ZPBP: variants seen among roughly 807,000 people sequenced by gnomAD.
The protein encoded by ZPBP is zona pellucida binding protein, also known as zona pellucida-binding protein 1.
ZPBP carries 26 observed loss-of-function variants against 44.8 expected under a neutral mutation model. That is an observed-to-expected ratio of 0.58 (90% CI 0.43 to 0.81). The LOEUF (loss-of-function observed/expected upper bound fraction) is 0.81, where lower values mean the gene tolerates loss of function less well. ZPBP is among the 30% of genes least tolerant of loss of function. ZPBP has a pLI of 0.00. For missense variants in ZPBP, 409 were observed against 434.0 expected (o/e 0.94, Z 0.51); for synonymous variants, 174 against 153.2 (o/e 1.14, Z -1.00).
intron 7 of ZPBP, among the ~76,000 whole-genome samples, chr7:49,945,885 CTGGTTGTTTTG>C (rs1446664118): frequency 6.6e-6 from 1 of 151,860 alleles, no homozygotes; most frequent in African/African-American, 2.4e-5. Context: ...CACTTGTTTT[CTGGTTGTTTTG>C]TGGTCTTTTC....
At chr7:49,981,310 T>TAC (rs1796870668) in intron 7 of ZPBP, among the ~76,000 whole-genome samples, 1 of 58,132 alleles carries the variant, frequency 1.7e-5, no homozygotes, top group African/African-American at 5.2e-5. Flanking sequence ...TATATAATTA[T>TAC]ATATTATATA....
chr7:49,979,974 T>G (rs1450630228), intron 7 of ZPBP, among the ~76,000 whole-genome samples: 3 of 106,802 alleles, frequency 2.8e-5, no homozygotes, highest in South Asian at 5.1e-4. Context: ...TATTATATAT[T>G]ATATATTAAT....
At chr7:50,001,847 C>T (rs1320910310) in intron 6 of ZPBP, among the ~76,000 whole-genome samples, 6 of 152,128 alleles carry the variant, frequency 3.9e-5, no homozygotes, top group Non-Finnish European at 7.3e-5. Context: ...GAAGAGAGAG[C>T]TGCATAGAGT....
At chr7:49,936,142 A>G (rs1175369112), downstream of ZPBP, 1 of 152,156 alleles carries the variant, frequency 6.6e-6, no homozygotes, top group Admixed American at 6.6e-5. Context: ...TAAGTCTTTT[A>G]CTCTTTACAA....
chr7:49,978,343 T>C (rs1032273010), intron 7 of ZPBP, among the ~76,000 whole-genome samples: 1 of 151,876 alleles, frequency 6.6e-6, no homozygotes, highest in Non-Finnish European at 1.5e-5. Context: ...ATGTTGTACA[T>C]TATAAGGAAT....
At chr7:50,003,805 G>A (rs1199052173) in intron 6 of ZPBP, among the ~76,000 whole-genome samples, 1 of 151,764 alleles carries the variant, frequency 6.6e-6, no homozygotes, top group East Asian at 1.9e-4. Flanking sequence ...TGTTTACAAA[G>A]TATATAAAGA....
chr7:49,913,111 C>A (rs947460357), intron 1 of ZPBP: 1 of 152,178 alleles, frequency 6.6e-6, no homozygotes, highest in African/African-American at 2.4e-5. Context: ...ACTCAGCTGT[C>A]AGTTCAGTGG....
intron 2 of ZPBP, among the ~76,000 whole-genome samples, chr7:50,088,736 TA>T (rs1015387647): frequency 6.6e-6 from 1 of 151,870 alleles, no homozygotes; most frequent in Non-Finnish European, 1.5e-5. Context: ...AGGATAGCTA[TA>T]AAAAAAGAAG....
chr7:50,086,246 T>A (rs967475743), intron 2 of ZPBP, among the ~76,000 whole-genome samples: 4 of 152,084 alleles, frequency 2.6e-5, no homozygotes, highest in Non-Finnish European at 5.9e-5. Flanking sequence ...AAGAATCTTA[T>A]TTCCAGTGTT....
In ZPBP at chr7:49,986,828, C is replaced by T. The variant is rs186513091; in HGVS notation, c.784-3309G>A. ...ATCTGGAGTGGTTCACATGTCTTTA[C>T]GGTTCTGTCAAAAAGAGGGGTATCT... On this transcript the variant is annotated intron_variant, in intron 6 of 7. Coordinates refer to ENST00000046087, the MANE Select transcript of ZPBP (RefSeq NM_007009.3). Among the ~76,000 whole-genome samples the T allele has an allele frequency of 1.8e-3, 277 of 152,192 alleles. 2 individuals carry two copies. The highest frequency in any genetic ancestry group is 6.4e-3 in the African/African-American group (265 of 41,518).
At chr7:49,997,583 C>T (rs1486705644) in intron 6 of ZPBP, among the ~76,000 whole-genome samples, 2 of 152,166 alleles carry the variant, frequency 1.3e-5, no homozygotes, top group Non-Finnish European at 2.9e-5. Flanking sequence ...AGTGTTGTTT[C>T]CTGACGAAAA....
chr7:50,088,319 C>A (rs187038553), intron 2 of ZPBP, among the ~76,000 whole-genome samples: 1 of 152,098 alleles, frequency 6.6e-6, no homozygotes, highest in East Asian at 1.9e-4. Context: ...AAAACTACAA[C>A]ATTCTTATAA....
At chr7:50,076,744 AG>A (rs1257109665) in intron 3 of ZPBP, among the ~76,000 whole-genome samples, 2 of 151,790 alleles carry the variant, frequency 1.3e-5, no homozygotes, top group African/African-American at 4.8e-5. Flanking sequence ...AGGAAACTGA[AG>A]AGGACATCCA....
chr7:50,053,801 C>A (rs1169518755), intron 4 of ZPBP, among the ~76,000 whole-genome samples: 2 of 152,108 alleles, frequency 1.3e-5, no homozygotes, highest in Non-Finnish European at 2.9e-5. Flanking sequence ...TTGAACATTG[C>A]TCTTTGTCTA....
intron 4 of ZPBP, among the ~76,000 whole-genome samples, chr7:50,054,646 G>A (rs1046644863): frequency 6.6e-6 from 1 of 151,776 alleles, no homozygotes; most frequent in African/African-American, 2.4e-5. Flanking sequence ...TACAATCCAG[G>A]TAATGGTGAA....
chr7:50,026,368 A>G (rs2128809446), intron 5 of ZPBP, among the ~76,000 whole-genome samples: 1 of 152,016 alleles, frequency 6.6e-6, no homozygotes, highest in East Asian at 1.9e-4. Context: ...CACCTTCAAT[A>G]TTGAATATAA....
chr7:50,059,495 A>G (rs1801139697), intron 3 of ZPBP, among the ~76,000 whole-genome samples: 1 of 152,228 alleles, frequency 6.6e-6, no homozygotes, highest in Non-Finnish European at 1.5e-5. Context: ...CTTCATGATT[A>G]TGTTTTAATG....
chr7:50,010,706 C>CACTA (rs1294470053), intron 6 of ZPBP, among the ~76,000 whole-genome samples: 2 of 151,978 alleles, frequency 1.3e-5, no homozygotes, highest in African/African-American at 4.8e-5. Flanking sequence ...TCATAGATGA[C>CACTA]ACTAACAACT....
chr7:49,892,023 C>CA (rs1792152279), intron 2 of ZPBP, among the ~76,000 whole-genome samples: 1 of 130,152 alleles, frequency 7.7e-6, no homozygotes, highest in Non-Finnish European at 1.6e-5. Context: ...GCAGAACAGA[C>CA]AAAGTAGATT....
Sources: allele counts gnomAD v4.1 joint callset (sites outside exome capture counted in the v4.1 genomes callset), GRCh38; gene constraint gnomAD v4.1.1; transcripts MANE v1.5; gene names NCBI Gene and HGNC (gene_info 2026-07-23, HGNC 2026-07-21).